TAS2R41: variants seen among roughly 807,000 people sequenced by gnomAD.
The protein encoded by TAS2R41 is taste receptor type 2 member 41.
A neutral mutation model predicts 25.1 loss-of-function variants in TAS2R41; 33 were observed. The ratio of observed to expected loss-of-function variants is 1.31; its 90% CI spans 1.00 to 1.76. The LOEUF (loss-of-function observed/expected upper bound fraction) is 1.76. Ranked by LOEUF, TAS2R41 falls within the 40% of genes most tolerant of loss-of-function variation. The pLI is 0.00. For missense variants in TAS2R41, 319 were observed against 359.4 expected (o/e 0.89, Z 0.91); for synonymous variants, 151 against 151.6 (o/e 1.00, Z 0.03).
chr7:143,478,314 T>C lies in TAS2R41; in HGVS notation c.442T>C (p.Phe148Leu). The change falls in exon 1 of 1, where the codon TTT becomes CTT. Residue 148 changes from phenylalanine (F) to leucine (L), a missense_variant. Coordinates refer to ENST00000408916, the MANE Select transcript of TAS2R41 (RefSeq NM_176883.2). ...GATCTCCTTCATCATAACCCTGCTG[T>C]TTTTTTGGGTGAACTACCCTGTATA... is the stretch of plus-strand genomic sequence containing the variant. Reference protein sequence around the residue: ...VLISFIITLLFFWVNYPVYQE... With the variant: ...VLISFIITLLLFWVNYPVYQE... 1 of 1,613,812 alleles carries C rather than the reference T, an allele frequency of 6.2e-7. No individual in the cohort carries two copies. The highest frequency in any genetic ancestry group is 1.1e-5 in the South Asian group (1 of 91,060).
In TAS2R41 at chr7:143,478,223, C is replaced by T. The variant is rs761694543; in HGVS notation, c.351C>T (p.Ser117=). ...TGAAGATTGCTAACATCACACACTC[C>T]ACCTTCCTGTGGCTGAAGTGGAGGT... The part of the protein sequence containing the change: ...FCVKIANITH[S]TFLWLKWRFP... The change falls in exon 1 of 1, where the codon TCC becomes TCT. Residue 117 remains serine, a synonymous_variant. Coordinates refer to ENST00000408916, the MANE Select transcript of TAS2R41 (RefSeq NM_176883.2). The T allele has an allele frequency of 1.2e-6, 2 of 1,614,076 alleles. No homozygotes were observed. Among genetic ancestry groups the T allele is most frequent in the East Asian group, 2.2e-5 (1 of 44,862 alleles).
Position 143,478,077 on chromosome 7 carries a change from T to C in TAS2R41, c.205T>C (p.Tyr69His). ...GGTTGGGACGGTGCACAACTTCTAC[T>C]ACTCTGCCCAGAAGGTCGAGTACTC... ...QLVGTVHNFYYSAQKVEYSGG... is the reference protein window; with the variant it reads ...QLVGTVHNFYHSAQKVEYSGG... Residue 69 changes from tyrosine to histidine, a missense_variant, in exon 1 of 1, where the codon TAC becomes CAC. Physicochemically the swap from Tyr to His is moderately conservative, Grantham distance 83. Coordinates refer to ENST00000408916, the MANE Select transcript of TAS2R41 (RefSeq NM_176883.2). The C allele has an allele frequency of 6.2e-7, 1 of 1,614,124 alleles. No homozygotes were observed. Among genetic ancestry groups the C allele is most frequent in the African/African-American group, 1.3e-5 (1 of 75,032 alleles).
Position 143,478,223 on chromosome 7 carries a change from C to A in TAS2R41, c.351C>A (p.Ser117=), listed in dbSNP as rs761694543. The change falls in exon 1 of 1, where the codon TCC becomes TCA. Residue 117 remains serine (S), a synonymous_variant. Transcript: ENST00000408916. ...TGAAGATTGCTAACATCACACACTCCACCTTCCTGTGGCTGAAGTGGAGGT... is the reference window on the plus strand; with the variant it reads ...TGAAGATTGCTAACATCACACACTCAACCTTCCTGTGGCTGAAGTGGAGGT... ...FCVKIANITH[S]TFLWLKWRFP... is the part of the protein sequence containing the mutation. 2.5e-6 allele frequency: 4 copies of A among 1,614,076 alleles called. No homozygotes were observed. The South Asian group carries it at 4.4e-5, about 18-fold the overall frequency.
Position 143,478,787 on chromosome 7 carries a change from G to C in TAS2R41, c.915G>C (p.Trp305Cys). Reference sequence around the variant, plus strand: ...TCCTGTTGTTGGCAAGGGGCTTCTGGGTGGCCTAGATGGCATGGTTTCCTT... The same window carrying C: ...TCCTGTTGTTGGCAAGGGGCTTCTGCGTGGCCTAGATGGCATGGTTTCCTT... ...SQLLLLARGF[W>C]VA The change falls in exon 1 of 1, where the codon TGG becomes TGC. Residue 305 changes from tryptophan to cysteine, a missense_variant. Transcript: ENST00000408916. The C allele has an allele frequency of 6.2e-7, 1 of 1,612,888 alleles. No homozygotes were observed.
chr7:143,478,086 C>T lies in TAS2R41; in HGVS notation c.214C>T (p.Gln72Ter), dbSNP rs775963023. 2 of 1,614,110 alleles carry T rather than the reference C, an allele frequency of 1.2e-6. No homozygotes were observed. Among genetic ancestry groups the T allele is most frequent in the South Asian group, 1.1e-5 (1 of 91,076 alleles). Residue 72 changes from glutamine to a stop codon, truncating the protein, a stop_gained, in exon 1 of 1, where the codon CAG (glutamine) becomes TAG (stop). Coordinates refer to ENST00000408916, the MANE Select transcript of TAS2R41 (RefSeq NM_176883.2). LOFTEE classifies it high-confidence loss of function. ...GGTGCACAACTTCTACTACTCTGCC[C>T]AGAAGGTCGAGTACTCTGGGGGTCT... ...GTVHNFYYSA[Q>*]KVEYSGGLGR...
Position 143,478,071 on chromosome 7 carries a change from T to C in TAS2R41, c.199T>C (p.Phe67Leu), listed in dbSNP as rs1807061720. The change falls in exon 1 of 1, where the codon TTC becomes CTC. Residue 67 changes from phenylalanine to leucine, a missense_variant. Physicochemically the swap from Phe to Leu is conservative, Grantham distance 22. Transcript: ENST00000408916. ...GCAGTTGGTTGGGACGGTGCACAAC[T>C]TCTACTACTCTGCCCAGAAGGTCGA... Reference protein sequence around the residue: ...CLQLVGTVHNFYYSAQKVEYS... With the variant: ...CLQLVGTVHNLYYSAQKVEYS... 6.2e-7 allele frequency: 1 copy of C among 1,613,982 alleles called. No homozygotes were observed. The highest frequency in any genetic ancestry group is 8.5e-7 in the Non-Finnish European group (1 of 1,180,010).
In TAS2R41 at chr7:143,478,224, A is replaced by C. The variant is rs1324274836; in HGVS notation, c.352A>C (p.Thr118Pro). ...GAAGATTGCTAACATCACACACTCC[A>C]CCTTCCTGTGGCTGAAGTGGAGGTT... ...CVKIANITHS[T>P]FLWLKWRFPG... The change falls in exon 1 of 1, where the codon ACC becomes CCC. Residue 118 changes from threonine (T) to proline (P), a missense_variant. Physicochemically the swap from Thr to Pro is conservative, Grantham distance 38 (BLOSUM62 -1). Transcript: ENST00000408916. The C allele has an allele frequency of 1.2e-6, 2 of 1,613,764 alleles. No individual in the cohort carries two copies. Among genetic ancestry groups the C allele is most frequent in the Non-Finnish European group, 8.5e-7 (1 of 1,179,944 alleles).
At position 143,478,005 on chromosome 7, in the gene TAS2R41, G is replaced by A. The variant is rs1203912124; in HGVS notation, c.133G>A (p.Asp45Asn). The change falls in exon 1 of 1, where the codon GAT becomes AAT. Residue 45 changes from aspartate (D) to asparagine (N), a missense_variant. Transcript: ENST00000408916. ...GCGATATGGCAGGTTGCTGCCCTTG[G>A]ATATGATCCTCATTAGCTTGGGTGC... ...WLRYGRLLPL[D>N]MILISLGASR... 4 of 1,614,136 alleles carry A rather than the reference G, an allele frequency of 2.5e-6. No homozygotes were observed. Among genetic ancestry groups the A allele is most frequent in the Non-Finnish European group, 3.4e-6 (4 of 1,180,026 alleles).
In TAS2R41 at chr7:143,478,426, A is replaced by C; in HGVS notation, c.554A>C (p.Lys185Thr). 6.2e-7 allele frequency: 1 copy of C among 1,614,124 alleles called. No homozygotes were observed. Among genetic ancestry groups the C allele is most frequent in the Non-Finnish European group, 8.5e-7 (1 of 1,180,028 alleles). The stretch of plus-strand genomic sequence containing the variant: ...GAAACATACTATTTCCCATCCCTGA[A>C]ACTGGTCATCTGGTCAATTCCTTTT... The part of the protein sequence containing the change: ...RIETYYFPSL[K>T]LVIWSIPFSV... The change falls in exon 1 of 1, where the codon AAA (lysine) becomes ACA (threonine). Residue 185 changes from lysine to threonine, a missense_variant. Coordinates refer to ENST00000408916, the MANE Select transcript of TAS2R41 (RefSeq NM_176883.2).
Position 143,477,944 on chromosome 7 carries a change from T to A in TAS2R41, c.72T>A (p.Asn24Lys), listed in dbSNP as rs1390556391. ...SLLSLLGIAA[N>K]GFIVLVLGRE... ...TGAGTCTTCTGGGGATTGCAGCGAA[T>A]GGCTTCATTGTGCTGGTGCTGGGCA... Residue 24 changes from asparagine (N) to lysine (K), a missense_variant, in exon 1 of 1, where the codon AAT becomes AAA. Transcript: ENST00000408916. This position sits in a 1 kb window ranked among gnomAD's most constrained non-coding sequence, Gnocchi z 4.0. The A allele has an allele frequency of 6.2e-7, 1 of 1,614,140 alleles. No individual in the cohort carries two copies.
In TAS2R41 at chr7:143,477,992, G is replaced by C; in HGVS notation, c.120G>C (p.Arg40Ser). Residue 40 changes from arginine (R) to serine (S), a missense_variant, in exon 1 of 1, where the codon AGG becomes AGC. Coordinates refer to ENST00000408916, the MANE Select transcript of TAS2R41 (RefSeq NM_176883.2). The surrounding 1 kb of genome is among the most constrained non-coding windows in gnomAD (Gnocchi z 4.0). ...VLGREWLRYGRLLPLDMILIS... is the reference protein window; with the variant it reads ...VLGREWLRYGSLLPLDMILIS... ...GCAGGGAGTGGCTGCGATATGGCAG[G>C]TTGCTGCCCTTGGATATGATCCTCA... 2.5e-6 allele frequency: 4 copies of C among 1,614,112 alleles called. No individual in the cohort carries two copies. The highest frequency in any genetic ancestry group is 3.4e-6 in the Non-Finnish European group (4 of 1,180,032).
At position 143,478,523 on chromosome 7, in the gene TAS2R41, C is replaced by T. The variant is rs200830345; in HGVS notation, c.651C>T (p.Asn217=). 2.6e-5 allele frequency: 42 copies of T among 1,614,126 alleles called. No homozygotes were observed. Among genetic ancestry groups the T allele is most frequent in the African/African-American group, 2.1e-4 (16 of 75,040 alleles). The change falls in exon 1 of 1, where the codon AAC becomes AAT. Residue 217 remains asparagine, a synonymous_variant. Transcript: ENST00000408916. ...GGCATACTCAGAGAATGCAGCACAA[C>T]GGGCACAGCCTGCAGGACCCCAGCA... ...LRRHTQRMQH[N]GHSLQDPSTQ...
At position 143,478,489 on chromosome 7, in the gene TAS2R41, C is replaced by A. The variant is rs750739454; in HGVS notation, c.617C>A (p.Ser206Tyr). The change falls in exon 1 of 1, where the codon TCT becomes TAT. Residue 206 changes from serine to tyrosine, a missense_variant. By Grantham distance (144) the Ser-to-Tyr change is moderately radical (BLOSUM62 -2). Transcript: ENST00000408916. ...GTCTCAATTATGCTGTTAATTAATT[C>A]TCTGAGGAGGCATACTCAGAGAATG... ...FLVSIMLLIN[S>Y]LRRHTQRMQH... The A allele has an allele frequency of 2.0e-5, 32 of 1,613,970 alleles. No individual in the cohort carries two copies. In the South Asian group the frequency reaches 2.3e-4, roughly 12 times the overall value.
rs573900957 is a variant in TAS2R41 at position 143,478,299 on chromosome 7, A to G, written c.427A>G (p.Ile143Val). ...LLLGSVLISF[I>V]ITLLFFWVNY... The stretch of plus-strand genomic sequence containing the variant: ...GTTGGGCTCTGTCCTGATCTCCTTC[A>G]TCATAACCCTGCTGTTTTTTTGGGT... The change falls in exon 1 of 1, where the codon ATC (isoleucine) becomes GTC (valine). Residue 143 changes from isoleucine to valine, a missense_variant. Physicochemically the swap from Ile to Val is conservative, Grantham distance 29 (BLOSUM62 3). Transcript: ENST00000408916. 1.7e-5 allele frequency: 28 copies of G among 1,613,870 alleles called. No individual in the cohort carries two copies. In the East Asian group the frequency reaches 1.8e-4, roughly 10 times the overall value.
At position 143,478,385 on chromosome 7, in the gene TAS2R41, G is replaced by A. The variant is rs538412437; in HGVS notation, c.513G>A (p.Lys171=). 1.9e-6 allele frequency: 3 copies of A among 1,614,100 alleles called. No homozygotes were observed. Among genetic ancestry groups the A allele is most frequent in the Admixed American group, 1.7e-5 (1 of 60,020 alleles). ...AATTTTCTGGGAACATGACCTACAA[G>A]TGGAATACAAGGATAGAAACATACT... ...IRKFSGNMTY[K]WNTRIETYYF... The change falls in exon 1 of 1, where the codon AAG becomes AAA. Residue 171 remains lysine, a synonymous_variant. Transcript: ENST00000408916.
Position 143,477,951 on chromosome 7 carries a change from A to G in TAS2R41, c.79A>G (p.Ile27Val), listed in dbSNP as rs1354500298. ...SLLGIAANGF[I>V]VLVLGREWLR... ...TCTGGGGATTGCAGCGAATGGCTTC[A>G]TTGTGCTGGTGCTGGGCAGGGAGTG... The change falls in exon 1 of 1, where the codon ATT (isoleucine) becomes GTT (valine). Residue 27 changes from isoleucine (I) to valine (V), a missense_variant. Transcript: ENST00000408916. The surrounding 1 kb of genome is among the most constrained non-coding windows in gnomAD (Gnocchi z 4.0). 6.2e-7 allele frequency: 1 copy of G among 1,613,942 alleles called. No individual in the cohort carries two copies. The highest frequency in any genetic ancestry group is 8.5e-7 in the Non-Finnish European group (1 of 1,180,024).
At position 143,478,515 on chromosome 7, in the gene TAS2R41, C is replaced by A. The variant is rs1245711870; in HGVS notation, c.643C>A (p.Gln215Lys). 5 of 1,613,974 alleles carry A rather than the reference C, an allele frequency of 3.1e-6. No individual in the cohort carries two copies. The highest frequency in any genetic ancestry group is 4.2e-6 in the Non-Finnish European group (5 of 1,180,012). Residue 215 changes from glutamine (Q) to lysine (K), a missense_variant, in exon 1 of 1, where the codon CAG becomes AAG. Gln to Lys is a moderately conservative substitution (Grantham distance 53). Coordinates refer to ENST00000408916, the MANE Select transcript of TAS2R41 (RefSeq NM_176883.2). ...NSLRRHTQRM[Q>K]HNGHSLQDPS... ...TCTGAGGAGGCATACTCAGAGAATG[C>A]AGCACAACGGGCACAGCCTGCAGGA...
Position 143,478,493 on chromosome 7 carries a change from G to A in TAS2R41, c.621G>A (p.Leu207=), listed in dbSNP as rs761044208. 4 of 1,613,958 alleles carry A rather than the reference G, an allele frequency of 2.5e-6. No individual in the cohort carries two copies. Among genetic ancestry groups the A allele is most frequent in the Non-Finnish European group, 3.4e-6 (4 of 1,179,994 alleles). ...CAATTATGCTGTTAATTAATTCTCT[G>A]AGGAGGCATACTCAGAGAATGCAGC... The part of the protein sequence containing the change: ...LVSIMLLINS[L]RRHTQRMQHN... Residue 207 remains leucine (L), a synonymous_variant, in exon 1 of 1, where the codon CTG becomes CTA. Coordinates refer to ENST00000408916, the MANE Select transcript of TAS2R41 (RefSeq NM_176883.2).
chr7:143,478,189 T>A lies in TAS2R41; in HGVS notation c.317T>A (p.Leu106Gln). The change falls in exon 1 of 1, where the codon CTG (leucine) becomes CAG (glutamine). Residue 106 changes from leucine to glutamine, a missense_variant. Leu to Gln is a moderately radical substitution (Grantham distance 113, BLOSUM62 -2). Transcript: ENST00000408916. ...TGGTTTTGCAGCTGGCTCAGTGTCCTGTTCTGTGTGAAGATTGCTAACATC... is the reference window on the plus strand; with the variant it reads ...TGGTTTTGCAGCTGGCTCAGTGTCCAGTTCTGTGTGAAGATTGCTAACATC... ...TFWFCSWLSV[L>Q]FCVKIANITH... 1.2e-6 allele frequency: 2 copies of A among 1,614,154 alleles called. No individual in the cohort carries two copies. The highest frequency in any genetic ancestry group is 2.2e-5 in the South Asian group (2 of 91,078).
Sources: allele counts gnomAD v4.1 joint callset, GRCh38; gene constraint gnomAD v4.1.1; non-coding constraint Gnocchi (gnomAD v3.1); transcripts MANE v1.5; gene names NCBI Gene and HGNC (gene_info 2026-07-23, HGNC 2026-07-21).